The following RFT1 variants were observed in gnomAD, a reference collection of about 807,000 sequenced individuals.
The protein encoded by RFT1 is man(5)GlcNAc(2)-PP-dolichol translocation protein RFT1.
A neutral mutation model predicts 62.2 loss-of-function variants in RFT1; 43 were observed. The ratio of observed to expected loss-of-function variants is 0.69; its 90% confidence interval spans 0.54 to 0.89. The LOEUF (loss-of-function observed/expected upper bound fraction) is 0.89. Ranked by LOEUF, RFT1 falls within the 40% of genes least tolerant of loss-of-function variation. The pLI is 0.00. For synonymous variants in RFT1, 262 were observed against 264.6 expected, an observed-to-expected ratio of 0.99 and a Z score of 0.10; for missense variants, 605 against 649.9, an observed-to-expected ratio of 0.93 and a Z score of 0.75.
chr3:53,121,622 C>T (rs1701969939), intron 5 of RFT1, 77 bp downstream of exon 5: 1 of 1,171,880 alleles, frequency 8.5e-7, no homozygotes, highest in Admixed American at 2.0e-5. Context: ...ATGCAGACCA[C>T]ACGGCGGTGG....
chr3:53,093,495 C>G (rs1701054125), intron 11 of RFT1, among the ~76,000 whole-genome samples: 2 of 152,204 alleles, frequency 1.3e-5, no homozygotes, highest in Non-Finnish European at 2.9e-5. Context: ...TAGCACCAAG[C>G]AGGCACTCAA....
At chr3:53,085,202 C>G (rs1259951943), downstream of RFT1, among the ~76,000 whole-genome samples, 1 of 152,218 alleles carries the variant, frequency 6.6e-6, no homozygotes, top group Admixed American at 6.5e-5. Flanking sequence ...AGCCTGAGGG[C>G]TGGCCTGCTG....
chr3:53,071,024 C>T, the RFT1 span, among the ~76,000 whole-genome samples: 1 of 151,974 alleles, frequency 6.6e-6, no homozygotes, highest in African/African-American at 2.4e-5. Context: ...AGCCACCAAG[C>T]CCAGCCAAAA....
chr3:53,110,171 C>A (rs1443643583), intron 7 of RFT1, among the ~76,000 whole-genome samples: 5 of 152,238 alleles, frequency 3.3e-5, no homozygotes, highest in Non-Finnish European at 5.9e-5. Flanking sequence ...TTCCTTCAAA[C>A]TTATTAAAAC....
chr3:53,097,813 T>C (rs2115781), intron 11 of RFT1, among the ~76,000 whole-genome samples: 73,375 of 151,882 alleles, frequency 0.48, 19,618 homozygotes, highest in East Asian at 0.73. Context: ...ATAAAAACAT[T>C]GTATTTTCAA....
At chr3:53,120,112 C>G in intron 5 of RFT1, 91 bp from the exon 6 acceptor site, 1 of 1,041,018 alleles carries the variant, frequency 9.6e-7, no homozygotes, top group Non-Finnish European at 1.4e-6. Flanking sequence ...ATAGAACTCT[C>G]TTGATTAACT....
the RFT1 span, among the ~76,000 whole-genome samples, chr3:53,079,419 C>T: frequency 1.3e-5 from 2 of 152,186 alleles, no homozygotes; most frequent in African/African-American, 2.4e-5. Flanking sequence ...AGGAAAACTC[C>T]ACCTTATCAA....
rs1431722675 is a variant in RFT1 at position 53,130,407 on chromosome 3, C to T, written c.-7G>A. 5.9e-5 allele frequency: 91 copies of T among 1,551,928 alleles called. No individual in the cohort carries two copies. Among genetic ancestry groups the T allele is most frequent in the Non-Finnish European group, 7.2e-5 (83 of 1,147,840 alleles). On this transcript the variant is annotated 5_prime_UTR_variant, in exon 1 of 13. Transcript: ENST00000296292. Reference sequence around the variant, plus strand: ...GCACCTCCTGGCTGCCCATAGCCTCCGCGCCAGGCTCAGACACCAGGAAAT... The same window carrying T: ...GCACCTCCTGGCTGCCCATAGCCTCTGCGCCAGGCTCAGACACCAGGAAAT...
At chr3:53,093,290 C>T (rs1701049016) in intron 11 of RFT1, among the ~76,000 whole-genome samples, 1 of 152,190 alleles carries the variant, frequency 6.6e-6, no homozygotes, top group South Asian at 2.1e-4. Flanking sequence ...ATCCTCACTC[C>T]CACTCTCTGT....
At chr3:53,076,225 T>C in the RFT1 span, among the ~76,000 whole-genome samples, 3 of 152,172 alleles carry the variant, frequency 2.0e-5, no homozygotes, top group Admixed American at 1.3e-4. Context: ...TATCTAGGCC[T>C]GCATTTCCAC....
At chr3:53,119,381 C>T (rs1374558475) in intron 6 of RFT1, among the ~76,000 whole-genome samples, 1 of 152,224 alleles carries the variant, frequency 6.6e-6, no homozygotes, top group African/African-American at 2.4e-5. Context: ...CTGCTGTCCT[C>T]ACTCTGACCC....
intron 5 of RFT1, 34 bp downstream of exon 5, chr3:53,121,665 G>A (rs757252490): frequency 1.3e-6 from 2 of 1,507,256 alleles, no homozygotes; most frequent in South Asian, 2.3e-5. Context: ...GAGAAACAAA[G>A]ATCATATAAA....
intron 10 of RFT1, among the ~76,000 whole-genome samples, chr3:53,102,680 C>T (rs532859006): frequency 7.9e-5 from 12 of 152,346 alleles, no homozygotes; most frequent in African/African-American, 2.2e-4. Flanking sequence ...AAAGCCTGTC[C>T]GTGCTGTGTC....
At chr3:53,098,863 A>C (rs191682172) in intron 11 of RFT1, among the ~76,000 whole-genome samples, 251 of 149,462 alleles carry the variant, frequency 1.7e-3, no homozygotes, top group African/African-American at 5.8e-3. Flanking sequence ...AGGAATCCTG[A>C]TCTGGAGTCA....
chr3:53,077,127 T>C, the RFT1 span, among the ~76,000 whole-genome samples: 1 of 152,138 alleles, frequency 6.6e-6, no homozygotes, highest in Admixed American at 6.6e-5. Flanking sequence ...CTATGTACCA[T>C]ACGTGTATTG....
intron 6 of RFT1, among the ~76,000 whole-genome samples, chr3:53,115,148 CTT>C (rs966809204): frequency 6.6e-6 from 1 of 152,184 alleles, no homozygotes; most frequent in Admixed American, 6.6e-5. Flanking sequence ...GCTTCTTACT[CTT>C]TCTCTAGCCT....
intron 11 of RFT1, among the ~76,000 whole-genome samples, chr3:53,096,695 A>G (rs1701150868): frequency 6.6e-6 from 1 of 152,114 alleles, no homozygotes; most frequent in Non-Finnish European, 1.5e-5. Flanking sequence ...AAAAAAAGCA[A>G]CCTGCAATTC....
At chr3:53,109,326 A>G (rs1216668859) in intron 7 of RFT1, among the ~76,000 whole-genome samples, 1 of 152,216 alleles carries the variant, frequency 6.6e-6, no homozygotes, top group Non-Finnish European at 1.5e-5. Flanking sequence ...CTAGGAAATG[A>G]GTTTCCAAGT....
intron 1 of RFT1, among the ~76,000 whole-genome samples, chr3:53,127,999 T>C (rs1358097880): frequency 6.6e-6 from 1 of 151,468 alleles, no homozygotes; most frequent in African/African-American, 2.4e-5. Context: ...TATAAAAATA[T>C]GGTTATTAAA....
Sources: gnomAD v4.1 joint callset for allele counts (sites outside exome capture counted in the v4.1 genomes callset) on GRCh38, gnomAD v4.1.1 for gene constraint, MANE v1.5 for transcripts, NCBI Gene and HGNC (gene_info 2026-07-23, HGNC 2026-07-21) for gene names.